The following F7 variants were observed in gnomAD, a reference collection of about 807,000 sequenced individuals.
F7 encodes coagulation factor VII.
Under a neutral mutation model 47.5 loss-of-function variants are expected in F7, and 38 were observed. The observed-to-expected ratio is 0.80, with a 90% CI of 0.62 to 1.05. The LOEUF (loss-of-function observed/expected upper bound fraction) is 1.05, where lower values mean the gene tolerates loss of function less well. Ranked by LOEUF, F7 falls within the 50% of genes least tolerant of loss-of-function variation. The pLI is 0.00. For synonymous variants in F7, 244 were observed against 258.5 expected, an observed-to-expected ratio of 0.94 and a Z score of 0.54; for missense variants, 575 against 605.4, an observed-to-expected ratio of 0.95 and a Z score of 0.53.
At chr13:113,114,783 A>T (rs982940421) in intron 4 of F7, 8 of 153,022 alleles carry the variant, frequency 5.2e-5, no homozygotes, top group Admixed American at 5.2e-4. Context: ...CTCAAGGCCC[A>T]GGTAAACACC....
chr13:113,109,209 CGG>C (rs1236243862), intron 1 of F7, among the ~76,000 whole-genome samples: 4 of 148,186 alleles, frequency 2.7e-5, no homozygotes, highest in Non-Finnish European at 6.0e-5. Context: ...CGTGGGTGTC[CGG>C]GGGGCGTGGG....
chr13:113,111,074 C>T (rs1439151021), intron 2 of F7, among the ~76,000 whole-genome samples: 1 of 152,210 alleles, frequency 6.6e-6, no homozygotes, highest in Admixed American at 6.5e-5. Flanking sequence ...GCGGCCGCAC[C>T]GCGCATGCCG....
At chr13:113,106,830 AC>A (rs2035969708) in intron 1 of F7, 1 of 1,588,632 alleles carries the variant, frequency 6.3e-7, no homozygotes, top group Admixed American at 1.8e-5. Context: ...GACCCCGGCC[AC>A]CTTCCTGCCC....
rs745484487 is a variant in F7, at chr13:113,118,913, G to A, written c.1240G>A (p.Val414Met). ...QGCATVGHFG[V>M]YTRVSQYIEW... ...CTGCGCAACCGTGGGCCACTTTGGG[G>A]TGTACACCAGGGTCTCCCAGTACAT... Residue 414 changes from valine to methionine, a missense_variant, in exon 8 of 8, where the codon GTG becomes ATG. Val to Met is a conservative substitution (Grantham distance 21). Coordinates refer to ENST00000346342, the MANE Select transcript of F7 (RefSeq NM_019616.4). 3 of 1,612,196 alleles carry A rather than the reference G, an allele frequency of 1.9e-6. No homozygotes were observed. Among genetic ancestry groups the A allele is most frequent in the South Asian group, 2.2e-5 (2 of 91,068 alleles).
At position 113,106,559 on chromosome 13, in the gene F7, TGG is replaced by T. The variant is rs1482177164; in HGVS notation, c.64+657_64+658del. Among the ~76,000 whole-genome samples the T allele has an allele frequency of 5.8e-5, 2 of 34,714 alleles. 1 individual carries two copies. Among genetic ancestry groups the T allele is most frequent in the Admixed American group, 5.8e-4 (2 of 3,456 alleles). The allele number at this position is 34,714 out of a possible 152,430, so 22.8% of individuals were successfully genotyped here. ...GATGGGGTGTGTGGGGTGTCGGGGATGGGGCATGTGGGGTGTGGGGGATGGGG... is the reference window on the plus strand; with the variant it reads ...GATGGGGTGTGTGGGGTGTCGGGGATGGCATGTGGGGTGTGGGGGATGGGG... On this transcript the variant is annotated intron_variant, in intron 1 of 7. Transcript: ENST00000346342.
chr13:113,109,601 C>G (rs571650170), intron 1 of F7, among the ~76,000 whole-genome samples: 2 of 152,200 alleles, frequency 1.3e-5, no homozygotes, highest in Admixed American at 6.5e-5. Context: ...ACAGCGTCCA[C>G]CTGAGGCCTC....
In F7 at chr13:113,114,020, C is replaced by T. The variant is rs542142425; in HGVS notation, c.364+60C>T. ...GGCCCTGGGGAGCTGGTGGAGGTGGCCTGGCCAACCGGGCTGCAGGGTGCA... is the reference window on the plus strand; with the variant it reads ...GGCCCTGGGGAGCTGGTGGAGGTGGTCTGGCCAACCGGGCTGCAGGGTGCA... On this transcript the variant is annotated intron_variant, in intron 4 of 7. Transcript: ENST00000346342. 2.5e-6 allele frequency: 4 copies of T among 1,585,598 alleles called. No individual in the cohort carries two copies. The East Asian group carries it at 9.0e-5, about 36-fold the overall frequency.
Position 113,118,736 on chromosome 13 carries a change from G to A in F7, c.1063G>A (p.Val355Met), listed in dbSNP as rs1455009854. ...GGACTGCCTGCAGCAGTCACGGAAG[G>A]TGGGAGACTCCCCAAATATCACGGA... ...TQDCLQQSRKVGDSPNITEYM... is the reference protein window; with the variant it reads ...TQDCLQQSRKMGDSPNITEYM... The change falls in exon 8 of 8, where the codon GTG becomes ATG. Residue 355 changes from valine to methionine, a missense_variant. Val to Met is a conservative substitution (Grantham distance 21). Transcript: ENST00000346342. 6.2e-7 allele frequency: 1 copy of A among 1,613,136 alleles called. No homozygotes were observed. The highest frequency in any genetic ancestry group is 1.1e-5 in the South Asian group (1 of 91,072).
At chr13:113,109,111 G>A (rs1282324273) in intron 1 of F7, among the ~76,000 whole-genome samples, 5 of 95,598 alleles carry the variant, frequency 5.2e-5, no homozygotes, top group Non-Finnish European at 2.4e-5. Flanking sequence ...GGTGTCCCGG[G>A]AGTGTGGGTG....
intron 2 of F7, among the ~76,000 whole-genome samples, chr13:113,112,546 TCACCTCACACTCACAGGA>T (rs1156650020): frequency 9.0e-5 from 12 of 132,820 alleles, no homozygotes; most frequent in Non-Finnish European, 1.6e-4. Flanking sequence ...CTCTCACAGG[TCACCTCACACTCACAGGA>T]CACCTCACAG....
chr13:113,117,120 G>A lies in F7; in HGVS notation c.615+245G>A, dbSNP rs561243732. 75 of 622,940 alleles carry A rather than the reference G, an allele frequency of 1.2e-4. No individual in the cohort carries two copies. In the African/African-American group the frequency reaches 1.3e-3, roughly 10 times the overall value. The allele number at this position is 622,940 out of a possible 1,614,324, so 38.6% of individuals were successfully genotyped here. On this transcript the variant is annotated intron_variant, in intron 6 of 7. Coordinates refer to ENST00000346342, the MANE Select transcript of F7 (RefSeq NM_019616.4). ...GAGAACCCTGCGAGATGCCCCATCC[G>A]AGTTGTCACGTCGTCCTCACGGTTA...
chr13:113,119,534 G>T lies in F7; in HGVS notation c.*526G>T, dbSNP rs1328747427. The T allele has an allele frequency of 5.5e-6, 1 of 180,676 alleles. No homozygotes were observed. Among genetic ancestry groups the T allele is most frequent in the Admixed American group, 5.6e-5 (1 of 17,996 alleles). 11.2% of individuals were successfully genotyped at this position (180,676 alleles called of 1,614,324 possible). On this transcript the variant is annotated 3_prime_UTR_variant, in exon 8 of 8. Coordinates refer to ENST00000346342, the MANE Select transcript of F7 (RefSeq NM_019616.4). The stretch of plus-strand genomic sequence containing the variant: ...ATGCACACACAGATGGTCACACAGA[G>T]ATACGCAAACACACCGATGCACACG...
intron 2 of F7, among the ~76,000 whole-genome samples, chr13:113,111,943 A>G (rs566540413): frequency 4.1e-5 from 6 of 147,356 alleles, no homozygotes; most frequent in African/African-American, 1.5e-4. Flanking sequence ...CCTCACACCC[A>G]CAGGACACCT....
chr13:113,116,447 A>T lies in F7; in HGVS notation c.506-319A>T, dbSNP rs148215936. ...TTTCATTCACCTTCTACTAAAGTCA[A>T]ACAACACATCTTCTCCCTGAAAAGT... is the stretch of plus-strand genomic sequence containing the variant. On this transcript the variant is annotated intron_variant, in intron 5 of 7. Coordinates refer to ENST00000346342, the MANE Select transcript of F7 (RefSeq NM_019616.4). Among the ~76,000 whole-genome samples, 101 of 152,376 alleles carry T rather than the reference A, an allele frequency of 6.6e-4. 2 individuals are homozygous for T. The highest frequency in any genetic ancestry group is 2.3e-3 in the African/African-American group (96 of 41,594).
Position 113,113,886 on chromosome 13 carries a change from G to C in F7, c.290G>C (p.Gly97Ala). The change falls in exon 4 of 8, where the codon GGC (glycine) becomes GCC (alanine). Residue 97 changes from glycine to alanine, a missense_variant. Physicochemically the swap from Gly to Ala is moderately conservative, Grantham distance 60. Coordinates refer to ENST00000346342, the MANE Select transcript of F7 (RefSeq NM_019616.4). The surrounding 1 kb of genome is among the most constrained non-coding windows in gnomAD (Gnocchi z 4.1). ...GCCTCAAGTCCATGCCAGAATGGGG[G>C]CTCCTGCAAGGACCAGCTCCAGTCC... is the stretch of plus-strand genomic sequence containing the variant. ...QCASSPCQNG[G>A]SCKDQLQSYI... The C allele has an allele frequency of 6.2e-7, 1 of 1,614,150 alleles. No homozygotes were observed. Among genetic ancestry groups the C allele is most frequent in the African/African-American group, 1.3e-5 (1 of 75,060 alleles).
chr13:113,116,421 A>G (rs1291596093), intron 5 of F7, among the ~76,000 whole-genome samples: 2 of 152,234 alleles, frequency 1.3e-5, no homozygotes, highest in Non-Finnish European at 2.9e-5. Context: ...TTTAGGTAGA[A>G]TTTCATTCAC....
chr13:113,118,331 A>G (rs2036232425), intron 7 of F7, 82 bp from the exon 8 acceptor site: 1 of 1,445,876 alleles, frequency 6.9e-7, no homozygotes, highest in African/African-American at 1.4e-5. Flanking sequence ...CAGACCTAGA[A>G]ATGGCCACAG....
intron 1 of F7, chr13:113,106,932 T>A: frequency 6.3e-7 from 1 of 1,590,656 alleles, no homozygotes. Flanking sequence ...CTGCCACTGG[T>A]TTTGTCCTGG....
Position 113,119,457 on chromosome 13 carries a change from A to G in F7, c.*449A>G. The G allele has an allele frequency of 4.4e-6, 1 of 227,290 alleles. No homozygotes were observed. Among genetic ancestry groups the G allele is most frequent in the Non-Finnish European group, 8.8e-6 (1 of 113,968 alleles). The allele number at this position is 227,290 out of a possible 1,614,324, so 14.1% of individuals were successfully genotyped here. On this transcript the variant is annotated 3_prime_UTR_variant, in exon 8 of 8. Coordinates refer to ENST00000346342, the MANE Select transcript of F7 (RefSeq NM_019616.4). ...ACAGTAGAGGCATGAACACACATGG[A>G]TGCACACACACACACGCCAATGCAC...
Sources: allele counts gnomAD v4.1 joint callset (sites outside exome capture counted in the v4.1 genomes callset), GRCh38; gene constraint gnomAD v4.1.1; non-coding constraint Gnocchi (gnomAD v3.1); transcripts MANE v1.5; gene names NCBI Gene and HGNC (gene_info 2026-07-23, HGNC 2026-07-21).